The following GSC2 variants were observed in gnomAD, a reference collection of about 807,000 sequenced individuals.
GSC2 encodes homeobox protein goosecoid-2.
In GSC2, 12 loss-of-function variants were observed where a neutral mutation model predicts 11.3. That is an observed-to-expected ratio of 1.06 (90% CI 0.68 to 1.72). The LOEUF is 1.72. Among genes scored for constraint, GSC2 ranks in the 40% most tolerant of loss-of-function variants. GSC2 has a pLI of 0.00. For synonymous variants in GSC2, 148 were observed against 110.0 expected (o/e 1.35, Z -2.16); for missense variants, 310 against 235.7 (o/e 1.32, Z -2.06).
chr22:19,148,734 G>C lies in GSC2; in HGVS notation c.*257C>G, dbSNP rs1393602211. The C allele has an allele frequency of 8.7e-6, 4 of 461,352 alleles. No homozygotes were observed. Among genetic ancestry groups the C allele is most frequent in the Non-Finnish European group, 1.5e-5 (4 of 260,716 alleles). 28.6% of individuals were successfully genotyped at this position (461,352 alleles called of 1,614,324 possible). Reference sequence around the variant, plus strand: ...TGGAGTTAGTGTCTCTCGGGGGGTAGGGAGCTGAGGAAACTGCTCTATGCC... The same window carrying C: ...TGGAGTTAGTGTCTCTCGGGGGGTACGGAGCTGAGGAAACTGCTCTATGCC... On this transcript the variant is annotated 3_prime_UTR_variant, in exon 3 of 3. Transcript: ENST00000086933.
In GSC2 at chr22:19,149,052, C is replaced by T. The variant is rs202084657; in HGVS notation, c.557G>A (p.Arg186His). The stretch of plus-strand genomic sequence containing the variant: ...CAGGAGCCTCGCGGAAGCCGACGCG[C>T]GCTTCTGGTGTCGCCATTTGGCCCG... ...NRRAKWRHQK[R>H]ASASARLLPG... is the part of the protein sequence containing the mutation. Residue 186 changes from arginine (R) to histidine (H), a missense_variant, in exon 3 of 3, where the codon CGC becomes CAC. Arg to His is a conservative substitution (Grantham distance 29, BLOSUM62 0). Transcript: ENST00000086933. 3.7e-5 allele frequency: 59 copies of T among 1,601,822 alleles called. No individual in the cohort carries two copies. The East Asian group carries it at 9.7e-4, about 26-fold the overall frequency.
chr22:19,149,631 C>G, intron 2 of GSC2, 32 bp downstream of exon 2: 3 of 1,496,230 alleles, frequency 2.0e-6, no homozygotes, highest in South Asian at 1.3e-5. Context: ...GCGGCCCGCG[C>G]GCTCCGGGGA....
Position 19,147,737 on chromosome 22 carries a change from C to A in GSC2, c.*1254G>T, listed in dbSNP as rs2146119260. Among the ~76,000 whole-genome samples the A allele has an allele frequency of 6.6e-6, 1 of 152,214 alleles. No homozygotes were observed. The highest frequency in any genetic ancestry group is 2.4e-5 in the African/African-American group (1 of 41,532). On this transcript the variant is annotated 3_prime_UTR_variant, in exon 3 of 3. Coordinates refer to ENST00000086933, the MANE Select transcript of GSC2 (RefSeq NM_005315.2). ...GGACACCATGCTTGCTTGGTGTTATCCAAGCTGGCCAGCCTTGGGGTGTCT... is the reference window on the plus strand; with the variant it reads ...GGACACCATGCTTGCTTGGTGTTATACAAGCTGGCCAGCCTTGGGGTGTCT...
chr22:19,150,160 G>T lies in GSC2; in HGVS notation c.124C>A (p.Pro42Thr). The T allele has an allele frequency of 2.6e-6, 2 of 775,258 alleles. No homozygotes were observed. The highest frequency in any genetic ancestry group is 8.4e-5 in the East Asian group (1 of 11,858). 48.0% of individuals were successfully genotyped at this position (775,258 alleles called of 1,614,324 possible). A position where few individuals can be genotyped will look rare whatever the true frequency, so the allele number is the denominator to read the frequency against. ...GGGCTCTGGCGACCGGCGGGCTGCG[G>T]TGGGCAGGCGGCCCGGGCCGGGAGG... ...RSLPARAACPPQPAGRQSPAK... is the reference protein window; with the variant it reads ...RSLPARAACPTQPAGRQSPAK... Residue 42 changes from proline to threonine, a missense_variant, in exon 1 of 3, where the codon CCG becomes ACG. Physicochemically the swap from Pro to Thr is conservative, Grantham distance 38 (BLOSUM62 -1). Coordinates refer to ENST00000086933, the MANE Select transcript of GSC2 (RefSeq NM_005315.2).
At position 19,148,910 on chromosome 22, in the gene GSC2, C is replaced by G; in HGVS notation, c.*81G>C. The G allele has an allele frequency of 1.2e-6, 1 of 811,352 alleles. No individual in the cohort carries two copies. The highest frequency in any genetic ancestry group is 2.0e-6 in the Non-Finnish European group (1 of 503,098). The allele number at this position is 811,352 out of a possible 1,614,324, so 50.3% of individuals were successfully genotyped here. A position where few individuals can be genotyped will look rare whatever the true frequency, so the allele number is the denominator to read the frequency against. ...CCGGTGTACTCTCCCAGCTCCTTTT[C>G]GGGTAGACCTGTCTTCTCTCAGCGC... On this transcript the variant is annotated 3_prime_UTR_variant, in exon 3 of 3. Transcript: ENST00000086933.
Position 19,147,006 on chromosome 22 carries a change from GGATTTATT to G in GSC2, c.*1977_*1984del, listed in dbSNP as rs1449195939. On this transcript the variant is annotated 3_prime_UTR_variant, in exon 3 of 3. Coordinates refer to ENST00000086933, the MANE Select transcript of GSC2 (RefSeq NM_005315.2). ...TGCAGTTAGAGCTGGAGAGATTCTG[GGATTTATT>G]GATTTATTGATAAACAGTAAAACTG... Among the ~76,000 whole-genome samples, 12 of 152,302 alleles carry G rather than the reference GGATTTATT, an allele frequency of 7.9e-5. No homozygotes were observed. The highest frequency in any genetic ancestry group is 1.3e-4 in the Non-Finnish European group (9 of 68,028).
At position 19,149,076 on chromosome 22, in the gene GSC2, C is replaced by G. The variant is rs782207145; in HGVS notation, c.533G>C (p.Arg178Pro). The change falls in exon 3 of 3, where the codon CGG becomes CCG. Residue 178 changes from arginine to proline, a missense_variant. Arg to Pro is a moderately radical substitution (Grantham distance 103). Coordinates refer to ENST00000086933, the MANE Select transcript of GSC2 (RefSeq NM_005315.2). Reference protein sequence around the residue: ...ERVEVWFKNRRAKWRHQKRAS... With the variant: ...ERVEVWFKNRPAKWRHQKRAS... Reference sequence around the variant, plus strand: ...GCGCTTCTGGTGTCGCCATTTGGCCCGGCGGTTCTTGAACCAGACCTGGGG... The same window carrying G: ...GCGCTTCTGGTGTCGCCATTTGGCCGGGCGGTTCTTGAACCAGACCTGGGG... 7.5e-6 allele frequency: 12 copies of G among 1,591,328 alleles called. No homozygotes were observed. In the Admixed American group the frequency reaches 1.9e-4, roughly 26 times the overall value.
At position 19,149,691 on chromosome 22, in the gene GSC2, C is replaced by T; in HGVS notation, c.485G>A (p.Arg162His). The change falls in exon 2 of 3, where the codon CGC (arginine) becomes CAC (histidine). Residue 162 changes from arginine (R) to histidine (H), a missense_variant. Physicochemically the swap from Arg to His is conservative, Grantham distance 29. Transcript: ENST00000086933. ...CACGCGCTCCTCGCGAAGGCGGATG[C>T]GGCCGGCCAGGCGCTCGCGCGTACT... ...DVSTRERLAG[R>H]IRLREERVEV... is the part of the protein sequence containing the mutation. 1 of 1,564,116 alleles carries T rather than the reference C, an allele frequency of 6.4e-7. No homozygotes were observed. Among genetic ancestry groups the T allele is most frequent in the Admixed American group, 1.8e-5 (1 of 54,186 alleles).
intron 2 of GSC2, 62 bp from the exon 3 acceptor site, chr22:19,149,157 G>A (rs1569119569): frequency 2.0e-6 from 2 of 1,022,298 alleles, no homozygotes; most frequent in African/African-American, 1.6e-5. Context: ...GCTCCCGAGG[G>A]TCCCACAGGG....
rs1466136363 is a variant in GSC2, at chr22:19,148,119, C to T, written c.*872G>A. On this transcript the variant is annotated 3_prime_UTR_variant, in exon 3 of 3. Coordinates refer to ENST00000086933, the MANE Select transcript of GSC2 (RefSeq NM_005315.2). Reference sequence around the variant, plus strand: ...ACAGCATGAAAACCCCAGGAGGAAGCAGGGGACCCTCACCCATGGGCAGGT... The same window carrying T: ...ACAGCATGAAAACCCCAGGAGGAAGTAGGGGACCCTCACCCATGGGCAGGT... Among the ~76,000 whole-genome samples, 1 of 152,140 alleles carries T rather than the reference C, an allele frequency of 6.6e-6. No individual in the cohort carries two copies. Among genetic ancestry groups the T allele is most frequent in the East Asian group, 1.9e-4 (1 of 5,190 alleles).
chr22:19,149,069 TTTGGCCCGGCGGTTC>T lies in GSC2; in HGVS notation c.525_539del (p.Asn176_Lys180del), dbSNP rs782062505. ...CCGACGCGCGCTTCTGGTGTCGCCA[TTTGGCCCGGCGGTTC>T]TTGAACCAGACCTGGGGATGGGGGG... On this transcript the variant is annotated inframe_deletion, in exon 3 of 3. Coordinates refer to ENST00000086933, the MANE Select transcript of GSC2 (RefSeq NM_005315.2). 8 of 1,596,000 alleles carry T rather than the reference TTTGGCCCGGCGGTTC, an allele frequency of 5.0e-6. No individual in the cohort carries two copies. The highest frequency in any genetic ancestry group is 6.8e-6 in the Non-Finnish European group (8 of 1,171,170).
In GSC2 at chr22:19,149,910, C is replaced by A. The variant is rs2083818522; in HGVS notation, c.266G>T (p.Arg89Leu). Residue 89 changes from arginine to leucine, a missense_variant, in exon 2 of 3, where the codon CGT becomes CTT. Physicochemically the swap from Arg to Leu is moderately radical, Grantham distance 102. Transcript: ENST00000086933. ...TCCCAGCCTCAGCGGCCACGCCAGA[C>A]GAGCGCCTGCGGAGCGAGGGCGCGG... ...PPEAAAGLGA[R>L]LAWPLRLGPA... is the part of the protein sequence containing the mutation. The A allele has an allele frequency of 5.9e-6, 8 of 1,347,778 alleles. No individual in the cohort carries two copies. Among genetic ancestry groups the A allele is most frequent in the Admixed American group, 4.1e-5 (1 of 24,310 alleles). 83.5% of individuals were successfully genotyped at this position (1,347,778 alleles called of 1,614,324 possible).
At position 19,149,818 on chromosome 22, in the gene GSC2, G is replaced by T; in HGVS notation, c.358C>A (p.Pro120Thr). The T allele has an allele frequency of 6.4e-7, 1 of 1,567,766 alleles. No individual in the cohort carries two copies. The change falls in exon 2 of 3, where the codon CCG becomes ACG. Residue 120 changes from proline (P) to threonine (T), a missense_variant. Physicochemically the swap from Pro to Thr is conservative, Grantham distance 38. Transcript: ENST00000086933. ...GSGALPGAVG[P>T]GSQRRTRRHR... The stretch of plus-strand genomic sequence containing the variant: ...CGCCTCGTGCGCCGCTGCGAACCCG[G>T]GCCGACCGCGCCCGGGAGCGCCCCG...
rs782629430 is a variant in GSC2 at position 19,149,847 on chromosome 22, C to T, written c.329G>A (p.Gly110Asp). The T allele has an allele frequency of 1.3e-6, 2 of 1,520,402 alleles. No individual in the cohort carries two copies. Among genetic ancestry groups the T allele is most frequent in the African/African-American group, 1.4e-5 (1 of 69,424 alleles). The allele number at this position is 1,520,402 out of a possible 1,614,324, so 94.2% of individuals were successfully genotyped here. The change falls in exon 2 of 3, where the codon GGT (glycine) becomes GAT (aspartate). Residue 110 changes from glycine to aspartate, a missense_variant. By Grantham distance (94) the Gly-to-Asp change is moderately conservative. Coordinates refer to ENST00000086933, the MANE Select transcript of GSC2 (RefSeq NM_005315.2). ...VPLSLGAPAGGSGALPGAVGP... is the reference protein window; with the variant it reads ...VPLSLGAPAGDSGALPGAVGP... ...GACCGCGCCCGGGAGCGCCCCGGAACCTCCGGCTGGCGCACCCAGAGACAA... is the reference window on the plus strand; with the variant it reads ...GACCGCGCCCGGGAGCGCCCCGGAATCTCCGGCTGGCGCACCCAGAGACAA...
intron 1 of GSC2, 42 bp from the exon 2 acceptor site, chr22:19,149,958 G>C (rs2083818821): frequency 8.1e-7 from 1 of 1,230,348 alleles, no homozygotes; most frequent in Non-Finnish European, 1.0e-6. Flanking sequence ...CTGGGGCCAA[G>C]CTCGGCACCC....
chr22:19,148,880 G>C lies in GSC2; in HGVS notation c.*111C>G, dbSNP rs1382054215. 4.7e-6 allele frequency: 3 copies of C among 642,374 alleles called. No homozygotes were observed. Among genetic ancestry groups the C allele is most frequent in the Non-Finnish European group, 8.1e-6 (3 of 370,700 alleles). The allele number at this position is 642,374 out of a possible 1,614,324, so 39.8% of individuals were successfully genotyped here. ...GGCAAGGGCTGTGGAGACGGGTGGA[G>C]GCGGCCGGTGTACTCTCCCAGCTCC... On this transcript the variant is annotated 3_prime_UTR_variant, in exon 3 of 3. Coordinates refer to ENST00000086933, the MANE Select transcript of GSC2 (RefSeq NM_005315.2).
Position 19,147,350 on chromosome 22 carries a change from C to T in GSC2, c.*1641G>A, listed in dbSNP as rs1555917585. On this transcript the variant is annotated 3_prime_UTR_variant, in exon 3 of 3. Coordinates refer to ENST00000086933, the MANE Select transcript of GSC2 (RefSeq NM_005315.2). ...GCCTGGGTGTGAGCGTGAAGGATGC[C>T]TATGTTAATAGCCTGCTGTGGGGGG... 6.6e-6 allele frequency among the ~76,000 whole-genome samples: 1 copy of T among 152,126 alleles called. No individual in the cohort carries two copies. The highest frequency in any genetic ancestry group is 1.9e-4 in the East Asian group (1 of 5,186).
rs1364628167 is a variant in GSC2, at chr22:19,148,825, C to T, written c.*166G>A. ...GAACACCAAGCACCGGGGGCCCGTC[C>T]CCAGCGCCACGGCAGCACGAGCTGC... On this transcript the variant is annotated 3_prime_UTR_variant, in exon 3 of 3. Coordinates refer to ENST00000086933, the MANE Select transcript of GSC2 (RefSeq NM_005315.2). 1.8e-6 allele frequency: 1 copy of T among 546,286 alleles called. No homozygotes were observed. The allele number at this position is 546,286 out of a possible 1,614,324, so 33.8% of individuals were successfully genotyped here.
At chr22:19,149,161 C>A (rs1157281045) in intron 2 of GSC2, 66 bp from the exon 3 acceptor site, 14 of 996,796 alleles carry the variant, frequency 1.4e-5, no homozygotes, top group Non-Finnish European at 1.9e-5. Flanking sequence ...CCGAGGGTCC[C>A]ACAGGGACCG....
Sources: gnomAD v4.1 joint callset for allele counts (sites outside exome capture counted in the v4.1 genomes callset) on GRCh38, gnomAD v4.1.1 for gene constraint, MANE v1.5 for transcripts, NCBI Gene and HGNC (gene_info 2026-07-23, HGNC 2026-07-21) for gene names.